The following ECT2 variants were observed in gnomAD, a reference collection of about 807,000 sequenced individuals.
ECT2 encodes the protein epithelial cell transforming 2.
Under a neutral mutation model 116.9 loss-of-function variants are expected in ECT2, and 61 were observed. The ratio of observed to expected loss-of-function variants is 0.52; its 90% confidence interval spans 0.42 to 0.65. The LOEUF is 0.65. Ranked by LOEUF, ECT2 falls within the 30% of genes least tolerant of loss-of-function variation. ECT2 has a pLI of 0.00. For synonymous variants in ECT2, 358 were observed against 346.4 expected (o/e 1.03, Z -0.37); for missense variants, 937 against 1,078.7 (o/e 0.87, Z 1.84).
chr3:172,825,723 G>T (rs1577065659), downstream of ECT2, among the ~76,000 whole-genome samples: 1 of 152,144 alleles, frequency 6.6e-6, no homozygotes, highest in East Asian at 1.9e-4. Context: ...CATGAGGAAA[G>T]AAATGGTCTC....
chr3:172,770,548 C>T (rs189877382), intron 13 of ECT2, among the ~76,000 whole-genome samples: 1 of 152,128 alleles, frequency 6.6e-6, no homozygotes, highest in Non-Finnish European at 1.5e-5. Context: ...CTATGTTGCC[C>T]AGGCTGGTCT....
chr3:172,818,656 G>A, intron 24 of ECT2: 1 of 1,289,236 alleles, frequency 7.8e-7, no homozygotes, highest in African/African-American at 1.5e-5. Flanking sequence ...GTTTCAATCT[G>A]TACGTCATTC....
chr3:172,826,327 A>C (rs1240964240), downstream of ECT2, among the ~76,000 whole-genome samples: 1 of 152,212 alleles, frequency 6.6e-6, no homozygotes, highest in African/African-American at 2.4e-5. Flanking sequence ...TGAAAATCCT[A>C]GGGCCATTAA....
chr3:172,755,996 G>A (rs569137845), intron 4 of ECT2, among the ~76,000 whole-genome samples: 26 of 152,260 alleles, frequency 1.7e-4, no homozygotes, highest in African/African-American at 6.3e-4. Flanking sequence ...GAGGCCTCTC[G>A]CCTTGGCTTG....
In ECT2 at chr3:172,758,980, C is replaced by A; in HGVS notation, c.487C>A (p.Pro163Thr). Residue 163 changes from proline to threonine, a missense_variant and splice_region_variant, in exon 6 of 25, where the codon CCT becomes ACT. Coordinates refer to ENST00000392692, the MANE Select transcript of ECT2 (RefSeq NM_001258315.2). Reference sequence around the variant, plus strand: ...CATTTAAAATTGTTGTATCCTTCAGCCTTTGCCATTTTCATGTCGCCCGTT... The same window carrying A: ...CATTTAAAATTGTTGTATCCTTCAGACTTTGCCATTTTCATGTCGCCCGTT... Reference protein sequence around the residue: ...VVLNCSQKGEPLPFSCRPLYC... With the variant: ...VVLNCSQKGETLPFSCRPLYC... The A allele has an allele frequency of 1.9e-6, 3 of 1,607,810 alleles. No individual in the cohort carries two copies. Among genetic ancestry groups the A allele is most frequent in the South Asian group, 1.1e-5 (1 of 89,592 alleles).
At chr3:172,801,412 A>C (rs1355677768) in intron 18 of ECT2, among the ~76,000 whole-genome samples, 1 of 152,174 alleles carries the variant, frequency 6.6e-6, no homozygotes, top group Non-Finnish European at 1.5e-5. Flanking sequence ...TTAATCTTGA[A>C]GTTTTCCACT....
In ECT2 at chr3:172,782,247, CTTTT is replaced by C. The variant is rs61083731; in HGVS notation, c.1617+19_1617+22del. 1 of 1,463,578 alleles carries C rather than the reference CTTTT, an allele frequency of 6.8e-7. No homozygotes were observed. The highest frequency in any genetic ancestry group is 9.4e-7 in the Non-Finnish European group (1 of 1,065,200). The allele number at this position is 1,463,578 out of a possible 1,614,324, so 90.7% of individuals were successfully genotyped here. ...TCTGAAATATGTAAGTATTGTATTT[CTTTT>C]TTAAGTTTTCAGATTAAAATATGAT... On this transcript the variant is annotated intron_variant, in intron 15 of 24. Coordinates refer to ENST00000392692, the MANE Select transcript of ECT2 (RefSeq NM_001258315.2).
Position 172,759,068 on chromosome 3 carries a change from TAGTA to T in ECT2, c.576+4_576+7del, listed in dbSNP as rs1717683952. The T allele has an allele frequency of 6.4e-7, 1 of 1,574,088 alleles. No homozygotes were observed. Among genetic ancestry groups the T allele is most frequent in the African/African-American group, 1.4e-5 (1 of 73,374 alleles). On this transcript the variant is annotated splice_donor_variant and splice_donor_region_variant and coding_sequence_variant and intron_variant, in exon 6 of 25. Coordinates refer to ENST00000392692, the MANE Select transcript of ECT2 (RefSeq NM_001258315.2). LOFTEE classifies it high-confidence loss of function. ...ACTGGATTTAGGAAAAAAGAAGAAC[TAGTA>T]AGTATTACGAAACAAATTCAAAGCG...
intron 4 of ECT2, among the ~76,000 whole-genome samples, chr3:172,756,460 T>C (rs947499197): frequency 1.3e-5 from 2 of 152,196 alleles, no homozygotes; most frequent in Non-Finnish European, 2.9e-5. Flanking sequence ...CTTTCTCATA[T>C]ATCTTACATA....
chr3:172,752,969 A>G (rs1716208676), intron 1 of ECT2, among the ~76,000 whole-genome samples: 1 of 152,158 alleles, frequency 6.6e-6, no homozygotes, highest in Non-Finnish European at 1.5e-5. Context: ...TATTAATCTG[A>G]AGAAGTAGGA....
the ECT2 span, among the ~76,000 whole-genome samples, chr3:172,827,921 T>C: frequency 9.2e-5 from 14 of 152,288 alleles, no homozygotes; most frequent in African/African-American, 3.4e-4. Context: ...CTTTTAAGCA[T>C]ATTATTGTTG....
chr3:172,804,576 T>C lies in ECT2; in HGVS notation c.2107-1155T>C, dbSNP rs112327164. 2.9e-3 allele frequency among the ~76,000 whole-genome samples: 437 copies of C among 152,294 alleles called. 2 individuals carry two copies. Among genetic ancestry groups the C allele is most frequent in the African/African-American group, 1.0e-2 (414 of 41,578 alleles). On this transcript the variant is annotated intron_variant, in intron 20 of 24. Transcript: ENST00000392692. Reference sequence around the variant, plus strand: ...CATCATGGGGTTTTACTGTATATAGTTTCTCTGTACTTTATTTGTTTGTTT... The same window carrying C: ...CATCATGGGGTTTTACTGTATATAGCTTCTCTGTACTTTATTTGTTTGTTT...
chr3:172,817,496 CAT>C (rs1729956705), intron 24 of ECT2, among the ~76,000 whole-genome samples: 2 of 152,024 alleles, frequency 1.3e-5, no homozygotes, highest in South Asian at 4.1e-4. Context: ...GTTCCAATGA[CAT>C]AGCAGAGACC....
At chr3:172,827,789 C>T in the ECT2 span, among the ~76,000 whole-genome samples, 6 of 152,318 alleles carry the variant, frequency 3.9e-5, no homozygotes, top group South Asian at 1.2e-3. Context: ...TTTGAATAAA[C>T]TATTTTGGCT....
intron 17 of ECT2, among the ~76,000 whole-genome samples, chr3:172,785,472 A>G (rs1723447401): frequency 6.6e-6 from 1 of 151,922 alleles, no homozygotes; most frequent in Non-Finnish European, 1.5e-5. Context: ...CAGGAGTTGG[A>G]GACCAGCCTG....
At chr3:172,758,144 G>A (rs1360710379) in intron 5 of ECT2, among the ~76,000 whole-genome samples, 1 of 152,138 alleles carries the variant, frequency 6.6e-6, no homozygotes, top group Non-Finnish European at 1.5e-5. Flanking sequence ...ACAGGCATGA[G>A]CCACCGTGCC....
intron 4 of ECT2, among the ~76,000 whole-genome samples, chr3:172,755,995 C>T (rs1183442306): frequency 4.6e-5 from 7 of 152,184 alleles, no homozygotes; most frequent in Non-Finnish European, 7.3e-5. Flanking sequence ...TGAGGCCTCT[C>T]GCCTTGGCTT....
At chr3:172,794,143 A>G (rs1035546553) in intron 18 of ECT2, among the ~76,000 whole-genome samples, 2 of 152,080 alleles carry the variant, frequency 1.3e-5, no homozygotes, top group African/African-American at 4.8e-5. Flanking sequence ...TTGTGATTTT[A>G]TAGTTTTATC....
chr3:172,775,453 C>G (rs913768161), intron 14 of ECT2, among the ~76,000 whole-genome samples: 1 of 152,064 alleles, frequency 6.6e-6, no homozygotes, highest in Non-Finnish European at 1.5e-5. Flanking sequence ...AAAGAGAACT[C>G]TGAAGGAATC....
Sources: allele counts gnomAD v4.1 joint callset (sites outside exome capture counted in the v4.1 genomes callset), GRCh38; gene constraint gnomAD v4.1.1; transcripts MANE v1.5; gene names NCBI Gene and HGNC (gene_info 2026-07-23, HGNC 2026-07-21).